Variants in TMPRSS9 observed in about 807,000 individuals in gnomAD.
TMPRSS9 encodes the protein transmembrane protease serine 9.
TMPRSS9 carries 113 observed loss-of-function variants against 111.4 expected under a neutral mutation model. That is an observed-to-expected ratio of 1.01 (90% CI 0.87 to 1.19). TMPRSS9 has a LOEUF of 1.19. Ranked by LOEUF, TMPRSS9 falls within the 50% of genes most tolerant of loss-of-function variation. The pLI is 0.00. For missense variants in TMPRSS9, 1,803 were observed against 1,513.1 expected (o/e 1.19, Z -3.18); for synonymous variants, 805 against 659.1 (o/e 1.22, Z -3.39).
At chr19:2,416,171 C>T (rs1217079764) in intron 11 of TMPRSS9, 2 of 411,602 alleles carry the variant, frequency 4.9e-6, no homozygotes, top group Non-Finnish European at 4.4e-6. Context: ...CCCAGGAGGT[C>T]GAGGCTGCAG....
intron 9 of TMPRSS9, among the ~76,000 whole-genome samples, chr19:2,412,439 C>G (rs1432041179): frequency 6.6e-6 from 1 of 152,096 alleles, no homozygotes; most frequent in Non-Finnish European, 1.5e-5. Context: ...TCGCTCAATT[C>G]TTGCCGTGAT....
At chr19:2,379,122 T>C (rs1970360617) in intron 1 of TMPRSS9, among the ~76,000 whole-genome samples, 1 of 151,814 alleles carries the variant, frequency 6.6e-6, no homozygotes, top group Non-Finnish European at 1.5e-5. Flanking sequence ...CTAAATGTGC[T>C]TGATGTGGAA....
chr19:2,371,388 G>C (rs1358687394), intron 1 of TMPRSS9, among the ~76,000 whole-genome samples: 1 of 152,076 alleles, frequency 6.6e-6, no homozygotes, highest in Non-Finnish European at 1.5e-5. Flanking sequence ...CAGGTTCCAG[G>C]TTAAAACTGG....
chr19:2,389,772 C>T (rs761876780), exon 1 of TMPRSS9: 7 of 1,608,100 alleles, frequency 4.4e-6, no homozygotes, highest in Non-Finnish European at 5.1e-6. Flanking sequence ...TCGCTGTCTG[C>T]GTGTCTCTGA....
At chr19:2,385,187 G>A (rs1970452609), upstream of TMPRSS9, among the ~76,000 whole-genome samples, 1 of 127,930 alleles carries the variant, frequency 7.8e-6, no homozygotes, top group African/African-American at 3.9e-5. Context: ...GGCGGGGCTC[G>A]CGGGGGCGGG....
chr19:2,399,299 A>C, intron 4 of TMPRSS9, 106 bp downstream of exon 5: 20 of 1,381,954 alleles, frequency 1.4e-5, no homozygotes, highest in Non-Finnish European at 1.6e-5. Flanking sequence ...AAGAAAACAA[A>C]CTGGCCGGGT....
At chr19:2,390,172 CAG>C (rs1201279072) in intron 1 of TMPRSS9, among the ~76,000 whole-genome samples, 3 of 149,648 alleles carry the variant, frequency 2.0e-5, no homozygotes, top group Non-Finnish European at 4.4e-5. Flanking sequence ...GACAGAGAAA[CAG>C]AGACAGGGAA....
At chr19:2,401,257 G>C (rs1443072704) in intron 4 of TMPRSS9, among the ~76,000 whole-genome samples, 1 of 151,942 alleles carries the variant, frequency 6.6e-6, no homozygotes, top group African/African-American at 2.4e-5. Flanking sequence ...CTGGGCGACA[G>C]AGGGAGACTC....
At chr19:2,407,590 A>AC (rs1173111629) in intron 7 of TMPRSS9, among the ~76,000 whole-genome samples, 201 of 22,022 alleles carry the variant, frequency 9.1e-3, no homozygotes, top group African/African-American at 0.036. Flanking sequence ...TGCACCTGTG[A>AC]TTTTTTTCTT....
intron 4 of TMPRSS9, among the ~76,000 whole-genome samples, chr19:2,400,541 CA>C (rs59218931): frequency 6.7e-6 from 1 of 149,730 alleles, no homozygotes; most frequent in Non-Finnish European, 1.5e-5. Flanking sequence ...GACTCCATCT[CA>C]AAAAAAAATT....
intron 1 of TMPRSS9, among the ~76,000 whole-genome samples, chr19:2,364,911 A>G (rs371953609): frequency 6.2e-4 from 94 of 151,704 alleles, no homozygotes; most frequent in African/African-American, 1.9e-3. Context: ...CCCGGGAGGC[A>G]GAGCTTGCAG....
chr19:2,386,415 G>T (rs1970476263), upstream of TMPRSS9, among the ~76,000 whole-genome samples: 1 of 151,780 alleles, frequency 6.6e-6, no homozygotes, highest in Admixed American at 6.6e-5. Context: ...TGAGGCAGGA[G>T]AATGGCGTGA....
chr19:2,425,318 G>T, intron 16 of TMPRSS9, 39 bp from the exon 18 acceptor site: 1 of 1,277,346 alleles, frequency 7.8e-7, no homozygotes, highest in African/African-American at 1.6e-5. Flanking sequence ...GCGGCCGGAC[G>T]CGGTCCCCAC....
intron 1 of TMPRSS9, among the ~76,000 whole-genome samples, chr19:2,370,454 G>A (rs1364811668): frequency 1.3e-5 from 2 of 150,356 alleles, no homozygotes; most frequent in Non-Finnish European, 2.9e-5. Context: ...GGGTAGGTTG[G>A]CCAGATGTCC....
At chr19:2,406,043 C>G (rs1970962741) in intron 7 of TMPRSS9, among the ~76,000 whole-genome samples, 1 of 134,504 alleles carries the variant, frequency 7.4e-6, no homozygotes, top group African/African-American at 2.8e-5. Flanking sequence ...TGGAGTCTCG[C>G]TCTGTCACCC....
chr19:2,361,343 A>ATGGGGTGGGAGGTGAGTC (rs1188982993), intron 1 of TMPRSS9, among the ~76,000 whole-genome samples: 1 of 11,818 alleles, frequency 8.5e-5, no homozygotes, highest in Admixed American at 1.1e-3. Context: ...CGGGGCTGGG[A>ATGGGGTGGGAGGTGAGTC]TGGGGTGGGA....
chr19:2,412,926 G>A (rs1057255183), intron 9 of TMPRSS9, among the ~76,000 whole-genome samples: 15 of 152,176 alleles, frequency 9.9e-5, no homozygotes, highest in Non-Finnish European at 1.9e-4. Flanking sequence ...AGGCACGGTG[G>A]CTCACGCCTG....
At chr19:2,397,860 C>CA in intron 2 of TMPRSS9, among the ~76,000 whole-genome samples, 1 of 133,774 alleles carries the variant, frequency 7.5e-6, no homozygotes, top group East Asian at 2.2e-4. Context: ...GCAGAAGTTG[C>CA]AGTGAGCCAA....
At chr19:2,411,406 T>TTTTC (rs1971094778) in intron 9 of TMPRSS9, among the ~76,000 whole-genome samples, 1 of 147,518 alleles carries the variant, frequency 6.8e-6, no homozygotes, top group African/African-American at 2.5e-5. Flanking sequence ...TCTTCTTTTT[T>TTTTC]TTTTTTTTTG....
Sources: gnomAD v4.1 joint callset for allele counts (sites outside exome capture counted in the v4.1 genomes callset) on GRCh38, gnomAD v4.1.1 for gene constraint, MANE v1.5 for transcripts, NCBI Gene and HGNC (gene_info 2026-07-23, HGNC 2026-07-21) for gene names.